Variants in C4orf36 observed in about 807,000 individuals in gnomAD.
The protein encoded by C4orf36 is uncharacterized protein C4orf36.
In C4orf36, 11 loss-of-function variants were observed where a neutral mutation model predicts 12.2. That is an observed-to-expected ratio of 0.90 (90% CI 0.57 to 1.49). C4orf36 has a LOEUF of 1.49. Ranked by LOEUF, C4orf36 falls within the 40% of genes most tolerant of loss-of-function variation. The pLI, the probability that C4orf36 is intolerant of heterozygous loss-of-function variation, is 0.00. For synonymous variants in C4orf36, 54 were observed against 51.3 expected (o/e 1.05, Z -0.22); for missense variants, 137 against 133.9 (o/e 1.02, Z -0.11).
At chr4:86,893,441 C>A (rs752496775), upstream of C4orf36, among the ~76,000 whole-genome samples, 13 of 152,146 alleles carry the variant, frequency 8.5e-5, no homozygotes, top group Non-Finnish European at 1.6e-4. Flanking sequence ...CAAAAATTAG[C>A]TGGGCGAGGT....
the C4orf36 span, among the ~76,000 whole-genome samples, chr4:86,928,326 T>C: frequency 2.0e-5 from 3 of 152,148 alleles, no homozygotes; most frequent in Non-Finnish European, 4.4e-5. Context: ...AAGCTGGGGC[T>C]ATGGGGGAGG....
the C4orf36 span, among the ~76,000 whole-genome samples, chr4:86,905,516 G>GA: frequency 6.6e-6 from 1 of 152,132 alleles, no homozygotes; most frequent in Non-Finnish European, 1.5e-5. Context: ...TGGCACCATT[G>GA]CACTCTAGCT....
intron 4 of C4orf36, among the ~76,000 whole-genome samples, chr4:86,882,433 T>C (rs999807800): frequency 6.6e-6 from 1 of 152,164 alleles, no homozygotes; most frequent in Non-Finnish European, 1.5e-5. Context: ...TATTATGGTG[T>C]CAAGGGCTCA....
At chr4:86,916,410 C>G in the C4orf36 span, among the ~76,000 whole-genome samples, 1 of 147,318 alleles carries the variant, frequency 6.8e-6, no homozygotes, top group Non-Finnish European at 1.5e-5. Flanking sequence ...TTAATGTTTA[C>G]TCAATGGGCA....
the C4orf36 span, among the ~76,000 whole-genome samples, chr4:86,919,119 G>GGAGAGAGAGAGAGAGAGAGAGA: frequency 1.4e-4 from 20 of 145,352 alleles, no homozygotes; most frequent in African/African-American, 4.6e-4. Flanking sequence ...CCCAGCTCCA[G>GGAGAGAGAGAGAGAGAGAGAGA]GAGAGAGAGA....
upstream of C4orf36, among the ~76,000 whole-genome samples, chr4:86,893,864 T>TTTTATTTA (rs147837409): frequency 3.2e-3 from 442 of 138,352 alleles, 1 homozygote; most frequent in African/African-American, 4.8e-3. Context: ...TGGCCTGAAT[T>TTTTATTTA]TTTATTTATT....
chr4:86,889,884 C>A (rs960668478), intron 2 of C4orf36, among the ~76,000 whole-genome samples: 1 of 151,824 alleles, frequency 6.6e-6, no homozygotes, highest in Admixed American at 6.6e-5. Context: ...TAGAGTGATA[C>A]CCTGTCTTGA....
At position 86,888,139 on chromosome 4, in the gene C4orf36, GTC is replaced by G. The variant is rs1747253428; in HGVS notation, c.200_201del (p.Gly67AlafsTer15). Reference protein sequence around the residue: ...QLTKCTTIKDGLLPSAESIKL... With the variant: ...QLTKCTTIKDXLLPSAESIKL... ...AACTTACATTCTGCAGAAGGGAGCA[GTC>G]CATCTTTAATGGTGGTACATTTTGT... On this transcript the variant is annotated frameshift_variant, in exon 3 of 5. Transcript: ENST00000295898. LOFTEE classifies it high-confidence loss of function. The G allele has an allele frequency of 6.8e-6, 11 of 1,613,692 alleles. No individual in the cohort carries two copies. The highest frequency in any genetic ancestry group is 9.3e-6 in the Non-Finnish European group (11 of 1,179,872).
chr4:86,907,560 C>T, the C4orf36 span, among the ~76,000 whole-genome samples: 1 of 152,080 alleles, frequency 6.6e-6, no homozygotes, highest in Non-Finnish European at 1.5e-5. Flanking sequence ...TCTGTTTCTG[C>T]TAAATCTCAT....
chr4:86,890,825 A>C (rs1376980726), intron 2 of C4orf36, among the ~76,000 whole-genome samples: 1 of 152,220 alleles, frequency 6.6e-6, no homozygotes, highest in African/African-American at 2.4e-5. Context: ...AGTACTTCAC[A>C]TACACGACTT....
the C4orf36 span, among the ~76,000 whole-genome samples, chr4:86,900,612 G>C: frequency 1.1e-4 from 17 of 152,156 alleles, no homozygotes. Context: ...GGCCAGGTTG[G>C]TTAAGACACA....
chr4:86,929,438 C>A, the C4orf36 span, among the ~76,000 whole-genome samples: 1 of 152,190 alleles, frequency 6.6e-6, no homozygotes, highest in Non-Finnish European at 1.5e-5. Flanking sequence ...GGCCTCTATA[C>A]AGCATGGTAA....
chr4:86,876,554 A>G, intron 4 of C4orf36, 111 bp from the exon 5 acceptor site: 1 of 1,614,030 alleles, frequency 6.2e-7, no homozygotes, highest in Non-Finnish European at 8.5e-7. Context: ...ACAGTTTACA[A>G]GGACCTTTAG....
At chr4:86,931,729 T>G in the C4orf36 span, among the ~76,000 whole-genome samples, 1 of 152,188 alleles carries the variant, frequency 6.6e-6, no homozygotes, top group African/African-American at 2.4e-5. Flanking sequence ...CATAAGTATA[T>G]GCTCAGGTTA....
the C4orf36 span, among the ~76,000 whole-genome samples, chr4:86,909,913 A>G: frequency 2.0e-5 from 3 of 151,874 alleles, no homozygotes; most frequent in Non-Finnish European, 2.9e-5. Context: ...AAAAAAAAAA[A>G]AAAAGGTTAT....
Position 86,891,695 on chromosome 4 carries a change from T to C in C4orf36, c.-73-102A>G. Reference sequence around the variant, plus strand: ...AATGTCAGAAAGTCCTTAATAAGTGTTCATTGAACTGGAACCCCAAGTGTA... The same window carrying C: ...AATGTCAGAAAGTCCTTAATAAGTGCTCATTGAACTGGAACCCCAAGTGTA... On this transcript the variant is annotated intron_variant, in intron 1 of 4. Coordinates refer to ENST00000295898, the MANE Select transcript of C4orf36 (RefSeq NM_144645.4). The C allele has an allele frequency of 3.7e-6, 4 of 1,083,844 alleles. No homozygotes were observed. In the South Asian group the frequency reaches 5.8e-5, roughly 16 times the overall value. 67.1% of individuals were successfully genotyped at this position (1,083,844 alleles called of 1,614,324 possible). A position where few individuals can be genotyped will look rare whatever the true frequency, so the allele number is the denominator to read the frequency against.
At chr4:86,917,149 G>A in the C4orf36 span, among the ~76,000 whole-genome samples, 39 of 152,108 alleles carry the variant, frequency 2.6e-4, no homozygotes, top group African/African-American at 8.0e-4. Context: ...GCTTGGTGGC[G>A]TGTGCCTGCA....
chr4:86,881,678 CTT>C (rs111401943), intron 4 of C4orf36, among the ~76,000 whole-genome samples: 2 of 146,376 alleles, frequency 1.4e-5, no homozygotes. Context: ...CTGAAATTTT[CTT>C]TTTTTTTTTT....
the C4orf36 span, among the ~76,000 whole-genome samples, chr4:86,928,331 G>C: frequency 1.4e-4 from 21 of 152,190 alleles, no homozygotes; most frequent in South Asian, 6.2e-4. Flanking sequence ...GGGGCTATGG[G>C]GGAGGTGCTG....
Sources: allele counts gnomAD v4.1 joint callset (sites outside exome capture counted in the v4.1 genomes callset), GRCh38; gene constraint gnomAD v4.1.1; transcripts MANE v1.5; gene names NCBI Gene and HGNC (gene_info 2026-07-23, HGNC 2026-07-21).